FRYL: variants seen among roughly 807,000 people sequenced by gnomAD.
FRYL encodes the protein protein furry homolog-like.
Under a neutral mutation model 351.2 loss-of-function variants are expected in FRYL, and 150 were observed. That is an observed-to-expected ratio of 0.43 (90% CI 0.37 to 0.49). The LOEUF (loss-of-function observed/expected upper bound fraction) is 0.49, where lower values mean the gene tolerates loss of function less well. Among genes scored for constraint, FRYL ranks in the 20% least tolerant of loss-of-function variants. FRYL has a pLI of 0.00. For synonymous variants in FRYL, 1,153 were observed against 1,257.1 expected (o/e 0.92, Z 1.75); for missense variants, 3,036 against 3,619.3 (o/e 0.84, Z 4.13).
At chr4:48,507,727 A>AGAT (rs1215137372) in intron 59 of FRYL, among the ~76,000 whole-genome samples, 3 of 152,186 alleles carry the variant, frequency 2.0e-5, no homozygotes, top group African/African-American at 7.2e-5. Context: ...ATAGATAGAT[A>AGAT]GATAGATAGA....
At chr4:48,566,843 C>G (rs1578150963) in intron 28 of FRYL, among the ~76,000 whole-genome samples, 1 of 152,156 alleles carries the variant, frequency 6.6e-6, no homozygotes, top group African/African-American at 2.4e-5. Context: ...TCTGGTAAAT[C>G]AGTAACACGG....
intron 1 of FRYL, among the ~76,000 whole-genome samples, chr4:48,754,287 T>TA (rs1560357452): frequency 6.6e-6 from 1 of 152,224 alleles, no homozygotes; most frequent in East Asian, 1.9e-4. Context: ...GATTTTTTTT[T>TA]AAAGGTTCAT....
At chr4:48,604,409 A>T (rs1391941759) in intron 11 of FRYL, among the ~76,000 whole-genome samples, 2 of 152,204 alleles carry the variant, frequency 1.3e-5, no homozygotes, top group African/African-American at 2.4e-5. Flanking sequence ...TTCATTAGGA[A>T]ATAGGTCATT....
intron 19 of FRYL, among the ~76,000 whole-genome samples, chr4:48,585,633 A>C (rs931266276): frequency 1.3e-5 from 2 of 152,032 alleles, no homozygotes; most frequent in Non-Finnish European, 2.9e-5. Flanking sequence ...AGTCATGCGC[A>C]CTCTATTGTC....
At chr4:48,609,971 C>T (rs1747722945) in intron 7 of FRYL, 148 bp from the exon 8 acceptor site, 1 of 455,914 alleles carries the variant, frequency 2.2e-6, no homozygotes, top group Non-Finnish European at 3.9e-6. Flanking sequence ...CTGAGAATCT[C>T]GTTTTCTCTA....
rs1740273475 is a variant in FRYL, at chr4:48,578,963, A to G, written c.2528+10T>C. 15 of 1,567,114 alleles carry G rather than the reference A, an allele frequency of 9.6e-6. No homozygotes were observed. Among genetic ancestry groups the G allele is most frequent in the Non-Finnish European group, 1.3e-5 (15 of 1,161,640 alleles). On this transcript the variant is annotated intron_variant, in intron 23 of 63. Transcript: ENST00000358350. ...TACATTTTTAAATTTACACTAGGAA[A>G]ATAACTTACTTTATATCGACCTGAG...
At chr4:48,774,051 A>C (rs531936683) in intron 1 of FRYL, among the ~76,000 whole-genome samples, 15 of 152,350 alleles carry the variant, frequency 9.8e-5, no homozygotes, top group African/African-American at 3.6e-4. Context: ...ATGTACATTT[A>C]ATAAAATGTT....
At chr4:48,676,270 G>A (rs1219625516) in intron 3 of FRYL, among the ~76,000 whole-genome samples, 1 of 152,134 alleles carries the variant, frequency 6.6e-6, no homozygotes, top group African/African-American at 2.4e-5. Flanking sequence ...GGTCCATGCT[G>A]CTTTTATGAG....
At chr4:48,675,350 C>T (rs1052043937) in intron 3 of FRYL, among the ~76,000 whole-genome samples, 5 of 152,192 alleles carry the variant, frequency 3.3e-5, no homozygotes, top group African/African-American at 4.8e-5. Flanking sequence ...GGGAGAGGCG[C>T]GAGCGGAAAC....
chr4:48,772,679 C>CAAAAAAAAAAAAAAAAAA (rs33926702), intron 1 of FRYL, among the ~76,000 whole-genome samples: 23 of 50,292 alleles, frequency 4.6e-4, no homozygotes, highest in South Asian at 1.3e-3. Flanking sequence ...AGAGACCTAC[C>CAAAAAAAAAAAAAAAAAA]AAAAAAAAAA....
At chr4:48,507,021 C>T (rs535314815) in intron 59 of FRYL, among the ~76,000 whole-genome samples, 16 of 152,252 alleles carry the variant, frequency 1.1e-4, no homozygotes, top group Non-Finnish European at 2.1e-4. Context: ...GGAACCTGTG[C>T]ATTAATCTTT....
Position 48,579,027 on chromosome 4 carries a change from G to C in FRYL, c.2474C>G (p.Ala825Gly), listed in dbSNP as rs1740285811. The C allele has an allele frequency of 6.2e-7, 1 of 1,613,694 alleles. No individual in the cohort carries two copies. The highest frequency in any genetic ancestry group is 8.5e-7 in the Non-Finnish European group (1 of 1,179,786). Residue 825 changes from alanine (A) to glycine (G), a missense_variant, in exon 23 of 64, where the codon GCT becomes GGT. Ala to Gly is a moderately conservative substitution (Grantham distance 60). Coordinates refer to ENST00000358350, the MANE Select transcript of FRYL (RefSeq NM_015030.2). ...AAGTCTTGTGTATGCAAACATCCAA[G>C]CATAGCTCACAGCTGTAGAGCAGTG... ...PKHCSTAVSY[A>G]WMFAYTRLQL...
intron 1 of FRYL, among the ~76,000 whole-genome samples, chr4:48,746,250 T>C (rs1046581463): frequency 5.3e-5 from 8 of 152,150 alleles, no homozygotes; most frequent in African/African-American, 1.2e-4. Flanking sequence ...CAGGTAGCAG[T>C]TGAAGAGTCA....
intron 11 of FRYL, 58 bp from the exon 12 acceptor site, chr4:48,603,446 AAAG>A: frequency 9.1e-7 from 1 of 1,095,386 alleles, no homozygotes; most frequent in Non-Finnish European, 1.4e-6. Context: ...TAAACTATAC[AAAG>A]AATACAAGAA....
chr4:48,641,590 C>T (rs1298943658), intron 3 of FRYL, among the ~76,000 whole-genome samples: 1 of 152,076 alleles, frequency 6.6e-6, no homozygotes, highest in Non-Finnish European at 1.5e-5. Context: ...AGATCCAGAA[C>T]ATCACTCCTA....
At chr4:48,533,147 G>A (rs1728060469) in intron 49 of FRYL, among the ~76,000 whole-genome samples, 1 of 152,066 alleles carries the variant, frequency 6.6e-6, no homozygotes, top group South Asian at 2.1e-4. Flanking sequence ...CTGGTTATCT[G>A]CTTGTCCACT....
At chr4:48,557,366 G>C in intron 34 of FRYL, 87 bp downstream of exon 34, 1 of 1,514,964 alleles carries the variant, frequency 6.6e-7, no homozygotes, top group South Asian at 1.2e-5. Flanking sequence ...GTTATCACAG[G>C]ATTATGGAAC....
chr4:48,571,919 T>C (rs1738414200), intron 26 of FRYL: 6 of 984,862 alleles, frequency 6.1e-6, no homozygotes, highest in Middle Eastern at 1.0e-3. Context: ...GAATAAATAC[T>C]GCTATTTTGT....
chr4:48,670,343 A>G (rs1467684812), intron 3 of FRYL, among the ~76,000 whole-genome samples: 1 of 151,832 alleles, frequency 6.6e-6, no homozygotes, highest in South Asian at 2.1e-4. Flanking sequence ...TGAGGCAGGA[A>G]GACTGCTTGA....
Sources: gnomAD v4.1 joint callset for allele counts (sites outside exome capture counted in the v4.1 genomes callset) on GRCh38, gnomAD v4.1.1 for gene constraint, MANE v1.5 for transcripts, NCBI Gene and HGNC (gene_info 2026-07-23, HGNC 2026-07-21) for gene names.